The following CA12 variants were observed in gnomAD, a reference collection of about 807,000 sequenced individuals.
The protein encoded by CA12 is carbonate dehydratase XII.
In CA12, 36 loss-of-function variants were observed where a neutral mutation model predicts 46.8. That is an observed-to-expected ratio of 0.77 (90% CI 0.59 to 1.02). CA12 has a LOEUF of 1.02. Ranked by LOEUF, CA12 falls within the 50% of genes least tolerant of loss-of-function variation. The pLI is 0.00. For missense variants in CA12, 436 were observed against 451.4 expected (o/e 0.97, Z 0.31); for synonymous variants, 202 against 187.0 (o/e 1.08, Z -0.65).
rs976223845 is a variant in CA12, at chr15:63,355,828, T to A, written c.107-9119A>T. 1.3e-5 allele frequency among the ~76,000 whole-genome samples: 2 copies of A among 152,174 alleles called. No homozygotes were observed. Among genetic ancestry groups the A allele is most frequent in the Non-Finnish European group, 2.9e-5 (2 of 68,034 alleles). On this transcript the variant is annotated intron_variant, in intron 2 of 10. Coordinates refer to ENST00000178638, the MANE Select transcript of CA12 (RefSeq NM_001218.5). This position sits in a 1 kb window ranked among gnomAD's most constrained non-coding sequence, Gnocchi z 4.1. Reference sequence around the variant, plus strand: ...TGAGGAATCGTGCTAGATGTGAAAGTGTTAAGTCCACAGCCCTGTAGCCAC... The same window carrying A: ...TGAGGAATCGTGCTAGATGTGAAAGAGTTAAGTCCACAGCCCTGTAGCCAC...
chr15:63,363,199 C>T (rs998744716), intron 2 of CA12, among the ~76,000 whole-genome samples: 9 of 152,186 alleles, frequency 5.9e-5, no homozygotes, highest in Admixed American at 2.6e-4. Context: ...TTTCACTTCA[C>T]CAAAAACAAA....
intron 4 of CA12, among the ~76,000 whole-genome samples, chr15:63,343,279 CTTTTT>C (rs35290345): frequency 3.0e-5 from 3 of 98,772 alleles, no homozygotes; most frequent in South Asian, 3.7e-4. Context: ...TAGAAAGAAT[CTTTTT>C]TTTTTTTTTT....
At position 63,372,574 on chromosome 15, in the gene CA12, A is replaced by G. The variant is rs773401232; in HGVS notation, c.106+3084T>C. Among the ~76,000 whole-genome samples, 9 of 152,248 alleles carry G rather than the reference A, an allele frequency of 5.9e-5. No homozygotes were observed. The highest frequency in any genetic ancestry group is 1.2e-4 in the Non-Finnish European group (8 of 68,040). ...CGTGCAAAGAAGCTGAGTTCTGCAC[A>G]TGAGCCACCATGCCCAGCACGGAGC... On this transcript the variant is annotated intron_variant, in intron 2 of 10. Transcript: ENST00000178638. The surrounding 1 kb of genome is among the most constrained non-coding windows in gnomAD (Gnocchi z 4.5).
In CA12 at chr15:63,340,199, T is replaced by C. The variant is rs1264346429; in HGVS notation, c.747+89A>G. 3 of 1,443,948 alleles carry C rather than the reference T, an allele frequency of 2.1e-6. No homozygotes were observed. Among genetic ancestry groups the C allele is most frequent in the Non-Finnish European group, 2.9e-6 (3 of 1,031,802 alleles). The allele number at this position is 1,443,948 out of a possible 1,614,324, so 89.4% of individuals were successfully genotyped here. A position where few individuals can be genotyped will look rare whatever the true frequency, so the allele number is the denominator to read the frequency against. The stretch of plus-strand genomic sequence containing the variant: ...TTGAAGAGCTGCCAATGAAACTAAA[T>C]GAGGAAATCAAGTCATTGATTGTGA... On this transcript the variant is annotated intron_variant, in intron 7 of 10. Transcript: ENST00000178638. The surrounding 1 kb of genome is among the most constrained non-coding windows in gnomAD (Gnocchi z 4.4).
chr15:63,342,633 T>TG (rs2039095296), intron 4 of CA12, among the ~76,000 whole-genome samples: 1 of 152,158 alleles, frequency 6.6e-6, no homozygotes, highest in Non-Finnish European at 1.5e-5. Context: ...GAGGGTATAA[T>TG]GGGTCATGTC....
intron 2 of CA12, among the ~76,000 whole-genome samples, chr15:63,361,865 C>T (rs1420065433): frequency 6.6e-6 from 1 of 152,170 alleles, no homozygotes; most frequent in Admixed American, 6.5e-5. Flanking sequence ...TTAGATGTTC[C>T]TTTTAGGTTG....
intron 2 of CA12, among the ~76,000 whole-genome samples, chr15:63,364,762 A>G (rs548978470): frequency 6.7e-4 from 102 of 152,060 alleles, no homozygotes; most frequent in Non-Finnish European, 1.4e-3. Flanking sequence ...CCCTCTTCCA[A>G]TGTGGTCCTG....
At chr15:63,353,663 C>T (rs554477404) in intron 2 of CA12, among the ~76,000 whole-genome samples, 1 of 152,224 alleles carries the variant, frequency 6.6e-6, no homozygotes, top group East Asian at 1.9e-4. Context: ...CTTCATGTCC[C>T]CTCTAAATCC....
intron 2 of CA12, among the ~76,000 whole-genome samples, chr15:63,357,662 T>C (rs959086913): frequency 2.6e-5 from 4 of 152,200 alleles, no homozygotes; most frequent in Non-Finnish European, 2.9e-5. Context: ...TCTTTCTTTT[T>C]TTTTTAAATT....
chr15:63,339,894 G>C lies in CA12; in HGVS notation c.747+394C>G, dbSNP rs1423491003. 1 of 317,250 alleles carries C rather than the reference G, an allele frequency of 3.2e-6. No homozygotes were observed. The highest frequency in any genetic ancestry group is 4.7e-5 in the Admixed American group (1 of 21,350). 19.7% of individuals were successfully genotyped at this position (317,250 alleles called of 1,614,324 possible). A position where few individuals can be genotyped will look rare whatever the true frequency, so the allele number is the denominator to read the frequency against. ...TTTGCACTAGACCTTGAGCTTCTTG[G>C]GGGCAGGGACCCTCACTTAGTCATT... On this transcript the variant is annotated intron_variant, in intron 7 of 10. Coordinates refer to ENST00000178638, the MANE Select transcript of CA12 (RefSeq NM_001218.5). The surrounding 1 kb of genome is among the most constrained non-coding windows in gnomAD (Gnocchi z 4.3).
chr15:63,375,222 A>T (rs1328550653), intron 2 of CA12, among the ~76,000 whole-genome samples: 1 of 152,266 alleles, frequency 6.6e-6, no homozygotes. Flanking sequence ...AATTCTAGAC[A>T]TACTGACAGC....
chr15:63,343,279 C>CCTTTT (rs765365692), intron 4 of CA12, among the ~76,000 whole-genome samples: 10 of 98,782 alleles, frequency 1.0e-4, no homozygotes, highest in African/African-American at 3.4e-4. Context: ...TAGAAAGAAT[C>CCTTTT]TTTTTTTTTT....
intron 8 of CA12, among the ~76,000 whole-genome samples, chr15:63,338,234 C>G (rs978177488): frequency 2.6e-5 from 4 of 152,224 alleles, no homozygotes; most frequent in African/African-American, 9.7e-5. Context: ...TGTGCTTGTG[C>G]TTATGCAAGC....
rs78884544 is a variant in CA12 at position 63,348,764 on chromosome 15, G to A, written c.107-2055C>T. 7.1e-3 allele frequency among the ~76,000 whole-genome samples: 1,079 copies of A among 152,328 alleles called. 6 individuals are homozygous for A. The highest frequency in any genetic ancestry group is 0.024 in the Middle Eastern group (7 of 294). The stretch of plus-strand genomic sequence containing the variant: ...TTACTGATAGCTAAACGAGAGCCTC[G>A]TGAAGATAGGGACCCCTCATCTTCG... On this transcript the variant is annotated intron_variant, in intron 2 of 10. Coordinates refer to ENST00000178638, the MANE Select transcript of CA12 (RefSeq NM_001218.5). This position sits in a 1 kb window ranked among gnomAD's most constrained non-coding sequence, Gnocchi z 4.6.
intron 2 of CA12, among the ~76,000 whole-genome samples, chr15:63,347,180 A>G (rs539356313): frequency 2.6e-5 from 4 of 152,366 alleles, no homozygotes; most frequent in African/African-American, 7.2e-5. Flanking sequence ...GGGAAAAATT[A>G]GTGTCTTACT....
In CA12 at chr15:63,330,309, T is replaced by G. The variant is rs2152610520; in HGVS notation, c.875-2179A>C. Among the ~76,000 whole-genome samples, 1 of 152,340 alleles carries G rather than the reference T, an allele frequency of 6.6e-6. No individual in the cohort carries two copies. The highest frequency in any genetic ancestry group is 2.1e-4 in the South Asian group (1 of 4,824). On this transcript the variant is annotated intron_variant, in intron 8 of 10. Coordinates refer to ENST00000178638, the MANE Select transcript of CA12 (RefSeq NM_001218.5). The surrounding 1 kb of genome is among the most constrained non-coding windows in gnomAD (Gnocchi z 4.0). ...TGGAACTTGGTATTAGGGTTGGTTG[T>G]TTCTTTTTTAAATGTAACCAGAGAC...
Position 63,340,458 on chromosome 15 carries a change from G to GT in CA12, c.590-14dup, listed in dbSNP as rs1188516847. ...AATGCTTCCTGGCCTAGAGAGACATGTTGCAGAGGTGATAGTGTCAGCCTC... is the reference window on the plus strand; with the variant it reads ...AATGCTTCCTGGCCTAGAGAGACATGTTTGCAGAGGTGATAGTGTCAGCCTC... On this transcript the variant is annotated splice_polypyrimidine_tract_variant and intron_variant, in intron 6 of 10. Transcript: ENST00000178638. The surrounding 1 kb of genome is among the most constrained non-coding windows in gnomAD (Gnocchi z 4.4). 6 of 1,614,056 alleles carry GT rather than the reference G, an allele frequency of 3.7e-6. No individual in the cohort carries two copies. The highest frequency in any genetic ancestry group is 5.1e-6 in the Non-Finnish European group (6 of 1,180,018).
Position 63,346,667 on chromosome 15 carries a change from C to A in CA12, c.149G>T (p.Cys50Phe), listed in dbSNP as rs762865681. The stretch of plus-strand genomic sequence containing the variant: ...TATGGGGGACTGCAGCAGGCCCCCA[C>A]ACGACGGGTACTTCTTGGACCAGCT... Reference protein sequence around the residue: ...ENSWSKKYPSCGGLLQSPIDL... With the variant: ...ENSWSKKYPSFGGLLQSPIDL... The change falls in exon 3 of 11, where the codon TGT becomes TTT. Residue 50 changes from cysteine to phenylalanine, a missense_variant. Cys to Phe is a radical substitution (Grantham distance 205). Transcript: ENST00000178638. 1 of 1,614,206 alleles carries A rather than the reference C, an allele frequency of 6.2e-7. No individual in the cohort carries two copies. The highest frequency in any genetic ancestry group is 1.1e-5 in the South Asian group (1 of 91,088).
At chr15:63,353,090 C>A (rs1275937208) in intron 2 of CA12, among the ~76,000 whole-genome samples, 1 of 152,058 alleles carries the variant, frequency 6.6e-6, no homozygotes, top group East Asian at 1.9e-4. Flanking sequence ...TAGTCTCTGA[C>A]CTTGCGGCAC....
Sources: gnomAD v4.1 joint callset for allele counts (sites outside exome capture counted in the v4.1 genomes callset) on GRCh38, gnomAD v4.1.1 for gene constraint, Gnocchi (gnomAD v3.1) non-coding constraint, MANE v1.5 for transcripts, NCBI Gene and HGNC (gene_info 2026-07-23, HGNC 2026-07-21) for gene names.